Variants in SLC2A1 observed in about 807,000 individuals in gnomAD.
The protein encoded by SLC2A1 is solute carrier family 2 member 1, also known as solute carrier family 2, facilitated glucose transporter member 1.
In SLC2A1, 4 loss-of-function variants were observed where a neutral mutation model predicts 46.6. That is an observed-to-expected ratio of 0.09 (90% confidence interval 0.04 to 0.20). SLC2A1 has a LOEUF of 0.20. Ranked by LOEUF, SLC2A1 falls within the 10% of genes least tolerant of loss-of-function variation. The pLI is 1.00. For synonymous variants in SLC2A1, 253 were observed against 270.0 expected (o/e 0.94, Z 0.62); for missense variants, 352 against 667.0 (o/e 0.53, Z 5.20).
intron 1 of SLC2A1, among the ~76,000 whole-genome samples, chr1:42,943,915 C>A (rs1643623689): frequency 1.3e-5 from 2 of 152,040 alleles, no homozygotes; most frequent in Admixed American, 1.3e-4. Context: ...AGATGTGATC[C>A]CACCTTGCCC....
chr1:42,929,414 G>T lies in SLC2A1; in HGVS notation c.868-100C>A. 1 of 1,143,894 alleles carries T rather than the reference G, an allele frequency of 8.7e-7. No homozygotes were observed. 70.9% of individuals were successfully genotyped at this position (1,143,894 alleles called of 1,614,324 possible). A position where few individuals can be genotyped will look rare whatever the true frequency, so the allele number is the denominator to read the frequency against. On this transcript the variant is annotated intron_variant, in intron 6 of 9. Coordinates refer to ENST00000426263, the MANE Select transcript of SLC2A1 (RefSeq NM_006516.4). The surrounding 1 kb of genome is among the most constrained non-coding windows in gnomAD (Gnocchi z 6.0). The stretch of plus-strand genomic sequence containing the variant: ...GGACCCAGGATGAGTAAAGAATGAA[G>T]GGGACAAATACTCAGGCAGAAGGGA...
In SLC2A1 at chr1:42,927,896, G is replaced by A. The variant is rs896399645; in HGVS notation, c.1075-88C>T. On this transcript the variant is annotated intron_variant, in intron 8 of 9. Transcript: ENST00000426263. The surrounding 1 kb of genome is among the most constrained non-coding windows in gnomAD (Gnocchi z 5.3). ...CAGAAGCTACAGAGGCCAGAGCAGA[G>A]CTATGCGAGAAGGCAGGAAGCCTGG... 40 of 1,031,984 alleles carry A rather than the reference G, an allele frequency of 3.9e-5. No individual in the cohort carries two copies. Among genetic ancestry groups the A allele is most frequent in the African/African-American group, 7.9e-5 (5 of 63,262 alleles). The allele number at this position is 1,031,984 out of a possible 1,614,324, so 63.9% of individuals were successfully genotyped here. A position where few individuals can be genotyped will look rare whatever the true frequency, so the allele number is the denominator to read the frequency against.
intron 1 of SLC2A1, chr1:42,952,333 T>C (rs770675044): frequency 4.3e-6 from 2 of 465,878 alleles, no homozygotes; most frequent in Admixed American, 4.6e-5. Context: ...ATGACATAGC[T>C]GGCTGCCGGG....
Position 42,927,390 on chromosome 1 carries a change from G to A in SLC2A1, c.1279-149C>T, listed in dbSNP as rs1643438300. 4.6e-6 allele frequency: 4 copies of A among 860,702 alleles called. No homozygotes were observed. Among genetic ancestry groups the A allele is most frequent in the South Asian group, 2.9e-5 (2 of 69,920 alleles). The allele number at this position is 860,702 out of a possible 1,614,324, so 53.3% of individuals were successfully genotyped here. ...TGCTATCATAATTAACTGAGACCAC[G>A]CTTGTACCTAGAATGTAACAGGCTC... On this transcript the variant is annotated intron_variant, in intron 9 of 9. Coordinates refer to ENST00000426263, the MANE Select transcript of SLC2A1 (RefSeq NM_006516.4). This position sits in a 1 kb window ranked among gnomAD's most constrained non-coding sequence, Gnocchi z 5.3.
chr1:42,932,655 C>T (rs61777703), intron 2 of SLC2A1, among the ~76,000 whole-genome samples: 1 of 152,194 alleles, frequency 6.6e-6, no homozygotes, highest in Non-Finnish European at 1.5e-5. Flanking sequence ...TGTTGGTCCT[C>T]CCTATCCCTT....
chr1:42,953,098 G>A (rs1050132264), intron 1 of SLC2A1, among the ~76,000 whole-genome samples: 27 of 152,242 alleles, frequency 1.8e-4, no homozygotes, highest in Admixed American at 1.7e-3. Context: ...AGGGCAGGGG[G>A]AGATAAACTG....
At chr1:42,955,646 T>G (rs1643764459) in intron 1 of SLC2A1, among the ~76,000 whole-genome samples, 1 of 152,188 alleles carries the variant, frequency 6.6e-6, no homozygotes, top group Admixed American at 6.5e-5. Flanking sequence ...ACAAAGGGGC[T>G]GAGAAAGCCT....
rs1387203768 is a variant in SLC2A1 at position 42,929,927 on chromosome 1, C to T, written c.625G>A (p.Glu209Lys). 15 of 1,613,988 alleles carry T rather than the reference C, an allele frequency of 9.3e-6. No individual in the cohort carries two copies. The highest frequency in any genetic ancestry group is 1.6e-4 in the Middle Eastern group (1 of 6,084). The change falls in exon 5 of 10, where the codon GAG becomes AAG. Residue 209 changes from glutamate to lysine, a missense_variant. Around this residue, in one of 5 missense-constraint regions of SLC2A1, gnomAD observed 167 missense variants for 280.8 expected, o/e 0.59. Transcript: ENST00000426263. The surrounding 1 kb of genome is among the most constrained non-coding windows in gnomAD (Gnocchi z 6.0). ...TTGATGAGCAGGAAGCGGGGACTCTCGGGGCAGAAGGGCAGCACGATGCAC... is the reference window on the plus strand; with the variant it reads ...TTGATGAGCAGGAAGCGGGGACTCTTGGGGCAGAAGGGCAGCACGATGCAC... The part of the protein sequence containing the change: ...LQCIVLPFCP[E>K]SPRFLLINRN...
chr1:42,957,605 G>T (rs1490232574), intron 1 of SLC2A1, among the ~76,000 whole-genome samples: 1 of 152,200 alleles, frequency 6.6e-6, no homozygotes, highest in Non-Finnish European at 1.5e-5. Flanking sequence ...TGTAGACTAG[G>T]GGGAGGAAAG....
chr1:42,929,553 G>T lies in SLC2A1; in HGVS notation c.867+40C>A. ...TTCACCATGCACACTTGACCAGAGG[G>T]CTTGGCTGGGGCACAGGAAGGGTGG... On this transcript the variant is annotated intron_variant, in intron 6 of 9. Coordinates refer to ENST00000426263, the MANE Select transcript of SLC2A1 (RefSeq NM_006516.4). The surrounding 1 kb of genome is among the most constrained non-coding windows in gnomAD (Gnocchi z 6.0). The T allele has an allele frequency of 6.4e-7, 1 of 1,572,834 alleles. No homozygotes were observed. The highest frequency in any genetic ancestry group is 8.7e-7 in the Non-Finnish European group (1 of 1,145,708).
intron 2 of SLC2A1, among the ~76,000 whole-genome samples, chr1:42,940,622 T>C (rs531076370): frequency 3.3e-4 from 51 of 152,308 alleles, no homozygotes; most frequent in African/African-American, 1.2e-3. Flanking sequence ...ATTTATTTAA[T>C]TATAAAATTG....
intron 1 of SLC2A1, among the ~76,000 whole-genome samples, chr1:42,957,248 AC>A (rs1643785914): frequency 1.3e-5 from 2 of 152,240 alleles, no homozygotes; most frequent in Non-Finnish European, 2.9e-5. Context: ...TCCCACCCTT[AC>A]GGCTCACCTA....
At chr1:42,949,067 C>CA (rs370563756) in intron 1 of SLC2A1, among the ~76,000 whole-genome samples, 18,346 of 106,832 alleles carry the variant, frequency 0.17, 1,519 homozygotes, top group Admixed American at 0.29. Flanking sequence ...GACTCTGTCT[C>CA]AAAAAAAAAA....
intron 1 of SLC2A1, chr1:42,952,787 C>T (rs1034645086): frequency 5.2e-6 from 1 of 193,984 alleles, no homozygotes; most frequent in Non-Finnish European, 1.1e-5. Context: ...TGTTTCTTTC[C>T]TTGAACTGGG....
At chr1:42,934,023 A>G (rs111828348) in intron 2 of SLC2A1, among the ~76,000 whole-genome samples, 67 of 152,310 alleles carry the variant, frequency 4.4e-4, no homozygotes, top group African/African-American at 1.6e-3. Context: ...GAAATTTGCC[A>G]AGAAGTCAGC....
intron 1 of SLC2A1, among the ~76,000 whole-genome samples, chr1:42,956,429 A>C (rs978030908): frequency 8.2e-5 from 6 of 72,924 alleles, no homozygotes; most frequent in Admixed American, 5.0e-4. Flanking sequence ...AAAAAAAAAA[A>C]AAAACATTAG....
chr1:42,957,108 G>C (rs1483156824), intron 1 of SLC2A1, among the ~76,000 whole-genome samples: 2 of 152,262 alleles, frequency 1.3e-5, no homozygotes, highest in Non-Finnish European at 2.9e-5. Context: ...TAGAGGAAGT[G>C]ACAAAAGTGA....
At chr1:42,955,775 G>C (rs1475850139) in intron 1 of SLC2A1, among the ~76,000 whole-genome samples, 1 of 152,170 alleles carries the variant, frequency 6.6e-6, no homozygotes, top group Non-Finnish European at 1.5e-5. Flanking sequence ...GACATCTGGG[G>C]CAGGGCTCAC....
chr1:42,950,868 G>A (rs1308299761), intron 1 of SLC2A1, among the ~76,000 whole-genome samples: 2 of 152,078 alleles, frequency 1.3e-5, no homozygotes, highest in Non-Finnish European at 2.9e-5. Context: ...CCAACTACTC[G>A]GGAGGCTGAG....
Sources: allele counts gnomAD v4.1 joint callset (sites outside exome capture counted in the v4.1 genomes callset), GRCh38; gene constraint gnomAD v4.1.1; regional missense constraint gnomAD v4.1.1; non-coding constraint Gnocchi (gnomAD v3.1); transcripts MANE v1.5; gene names NCBI Gene and HGNC (gene_info 2026-07-23, HGNC 2026-07-21).